The following STAM2 variants were observed in gnomAD, a reference collection of about 807,000 sequenced individuals.
STAM2 encodes the protein signal transducing adapter molecule 2.
In STAM2, 51 loss-of-function variants were observed where a neutral mutation model predicts 65.6. The ratio of observed to expected loss-of-function variants is 0.78; its 90% confidence interval spans 0.62 to 0.98. The LOEUF is 0.98. STAM2 is among the 50% of genes least tolerant of loss of function. The probability of loss-of-function intolerance (pLI) is 0.00; values close to 1 mark genes in which losing one functional copy is unlikely to be tolerated. For missense variants in STAM2, 584 were observed against 617.8 expected, an observed-to-expected ratio of 0.95 and a Z score of 0.58; for synonymous variants, 198 against 208.4, an observed-to-expected ratio of 0.95 and a Z score of 0.43.
In STAM2 at chr2:152,133,262, TA is replaced by T. The variant is rs1689095727; in HGVS notation, c.883-3del. 1.9e-6 allele frequency: 3 copies of T among 1,603,434 alleles called. No individual in the cohort carries two copies. Among genetic ancestry groups the T allele is most frequent in the Admixed American group, 3.5e-5 (2 of 57,928 alleles). On this transcript the variant is annotated splice_region_variant and splice_polypyrimidine_tract_variant and intron_variant, in intron 9 of 13. Coordinates refer to ENST00000263904, the MANE Select transcript of STAM2 (RefSeq NM_005843.6). ...CTGCAGGGCTCTATCCATCTTATCC[TA>T]AAAAAGTAACAGGACACTTTTCAAA...
intron 1 of STAM2, among the ~76,000 whole-genome samples, chr2:152,170,272 G>T (rs927780198): frequency 6.6e-6 from 1 of 150,672 alleles, no homozygotes; most frequent in African/African-American, 2.4e-5. Context: ...ACGAGGTCAG[G>T]AGTTCGAGAC....
At chr2:152,154,357 C>A (rs187090914) in intron 1 of STAM2, among the ~76,000 whole-genome samples, 1 of 152,228 alleles carries the variant, frequency 6.6e-6, no homozygotes, top group Non-Finnish European at 1.5e-5. Flanking sequence ...GTGGCACACA[C>A]CTATCATCCC....
chr2:152,152,588 A>G (rs1446474206), intron 1 of STAM2, among the ~76,000 whole-genome samples: 1 of 152,128 alleles, frequency 6.6e-6, no homozygotes, highest in East Asian at 1.9e-4. Flanking sequence ...GGCTAATATA[A>G]ATAATGCACT....
chr2:152,142,953 T>C (rs1689275617), intron 7 of STAM2, among the ~76,000 whole-genome samples: 2 of 152,184 alleles, frequency 1.3e-5, no homozygotes, highest in Admixed American at 1.3e-4. Flanking sequence ...GCCAGATGCT[T>C]GCACCAAGTG....
chr2:152,137,567 G>A (rs1689178993), intron 7 of STAM2, among the ~76,000 whole-genome samples: 1 of 152,094 alleles, frequency 6.6e-6, no homozygotes, highest in Non-Finnish European at 1.5e-5. Flanking sequence ...GGCTGTCGCT[G>A]TCTTTTCAGC....
intron 1 of STAM2, 35 bp from the exon 2 acceptor site, chr2:152,150,264 C>T (rs888572050): frequency 7.4e-7 from 1 of 1,346,774 alleles, no homozygotes; most frequent in Non-Finnish European, 1.1e-6. Context: ...ACAATGAGGA[C>T]ACATCTCATA....
At position 152,120,552 on chromosome 2, in the gene STAM2, C is replaced by T; in HGVS notation, c.*22G>A. On this transcript the variant is annotated 3_prime_UTR_variant, in exon 14 of 14. Transcript: ENST00000263904. Reference sequence around the variant, plus strand: ...TGAATAATACACTTATGAAGGCTTTCAAGAAAATGCTTGATTTGTTTCTAA... The same window carrying T: ...TGAATAATACACTTATGAAGGCTTTTAAGAAAATGCTTGATTTGTTTCTAA... The T allele has an allele frequency of 1.2e-6, 2 of 1,608,582 alleles. No homozygotes were observed. The highest frequency in any genetic ancestry group is 1.1e-5 in the South Asian group (1 of 90,754).
At chr2:152,152,535 T>G (rs778292689) in intron 1 of STAM2, among the ~76,000 whole-genome samples, 1 of 150,176 alleles carries the variant, frequency 6.7e-6, no homozygotes, top group African/African-American at 2.5e-5. Context: ...GGTGACAGAG[T>G]GAGACTCTGT....
At position 152,126,119 on chromosome 2, in the gene STAM2, A is replaced by G. The variant is rs144719399; in HGVS notation, c.1179+107T>C. ...GAAACAATCAAAGATAAATTTTATA[A>G]TTTTATTCACAGACAAAAGAAATCT... On this transcript the variant is annotated intron_variant, in intron 12 of 13. Transcript: ENST00000263904. 5,646 of 974,486 alleles carry G rather than the reference A, an allele frequency of 5.8e-3. 28 individuals are homozygous for G. The highest frequency in any genetic ancestry group is 6.8e-3 in the South Asian group (210 of 31,036). The allele number at this position is 974,486 out of a possible 1,614,324, so 60.4% of individuals were successfully genotyped here. A position where few individuals can be genotyped will look rare whatever the true frequency, so the allele number is the denominator to read the frequency against.
At chr2:152,160,248 G>A (rs1483146921) in intron 1 of STAM2, among the ~76,000 whole-genome samples, 13 of 150,622 alleles carry the variant, frequency 8.6e-5, no homozygotes, top group East Asian at 2.0e-4. Flanking sequence ...AGTGAGGAGC[G>A]TCTCTGCCCG....
At position 152,118,688 on chromosome 2, in the gene STAM2, A is replaced by T. The variant is rs1560207086; in HGVS notation, c.*1886T>A. On this transcript the variant is annotated 3_prime_UTR_variant, in exon 14 of 14. Coordinates refer to ENST00000263904, the MANE Select transcript of STAM2 (RefSeq NM_005843.6). ...TATGCAAATGTTGACTATTATCGAG[A>T]GCAGCTTTGGATTTTTTTTAAATGT... The T allele has an allele frequency of 6.8e-6, 1 of 147,616 alleles. No homozygotes were observed. Among genetic ancestry groups the T allele is most frequent in the Non-Finnish European group, 1.5e-5 (1 of 66,850 alleles). 9.1% of individuals were successfully genotyped at this position (147,616 alleles called of 1,614,324 possible).
intron 1 of STAM2, among the ~76,000 whole-genome samples, chr2:152,158,408 G>A (rs1006861984): frequency 1.3e-5 from 2 of 152,000 alleles, no homozygotes; most frequent in Non-Finnish European, 2.9e-5. Context: ...CCTAGGAAGC[G>A]GAGGTTGCAG....
chr2:152,139,570 A>T (rs940800168), intron 7 of STAM2, among the ~76,000 whole-genome samples: 1 of 152,202 alleles, frequency 6.6e-6, no homozygotes, highest in Admixed American at 6.5e-5. Flanking sequence ...CTATCTATAA[A>T]AACAAGAAAA....
intron 1 of STAM2, among the ~76,000 whole-genome samples, chr2:152,162,920 A>C (rs1376064333): frequency 6.6e-6 from 1 of 152,056 alleles, no homozygotes; most frequent in African/African-American, 2.4e-5. Context: ...TCAGCCTCCC[A>C]AAGTGCTGGG....
chr2:152,159,861 T>G (rs1689627944), intron 1 of STAM2, among the ~76,000 whole-genome samples: 1 of 152,240 alleles, frequency 6.6e-6, no homozygotes, highest in African/African-American at 2.4e-5. Flanking sequence ...GCCCAGTGCC[T>G]GCGATTGCAG....
intron 11 of STAM2, among the ~76,000 whole-genome samples, chr2:152,129,433 G>A (rs1181156038): frequency 6.6e-6 from 1 of 152,168 alleles, no homozygotes; most frequent in Non-Finnish European, 1.5e-5. Flanking sequence ...TTATAGGTGT[G>A]AGCCCCCACA....
intron 1 of STAM2, among the ~76,000 whole-genome samples, chr2:152,158,136 T>C (rs749252577): frequency 6.6e-6 from 1 of 152,156 alleles, no homozygotes; most frequent in Non-Finnish European, 1.5e-5. Context: ...ATGAAAACTA[T>C]AAAAATGGAA....
chr2:152,134,526 G>A (rs532742848), intron 8 of STAM2, among the ~76,000 whole-genome samples: 2 of 152,232 alleles, frequency 1.3e-5, no homozygotes, highest in African/African-American at 2.4e-5. Flanking sequence ...ATACAAAGAC[G>A]ATGTTACACA....
At chr2:152,160,301 C>G (rs1438290895) in intron 1 of STAM2, among the ~76,000 whole-genome samples, 43 of 151,712 alleles carry the variant, frequency 2.8e-4, no homozygotes, top group Admixed American at 1.0e-3. Flanking sequence ...TCTTCCCGGC[C>G]GCCATCCCAT....
Sources: gnomAD v4.1 joint callset for allele counts (sites outside exome capture counted in the v4.1 genomes callset) on GRCh38, gnomAD v4.1.1 for gene constraint, MANE v1.5 for transcripts, NCBI Gene and HGNC (gene_info 2026-07-23, HGNC 2026-07-21) for gene names.